Variants in BTG4 observed in about 807,000 individuals in gnomAD.
The protein encoded by BTG4 is BTG anti-proliferation factor 4.
BTG4 carries 10 observed loss-of-function variants against 19.3 expected under a neutral mutation model. The ratio of observed to expected loss-of-function variants is 0.52; its 90% CI spans 0.32 to 0.88. BTG4 has a LOEUF of 0.88. Among genes scored for constraint, BTG4 ranks in the 40% least tolerant of loss-of-function variants. The probability of loss-of-function intolerance (pLI) is 0.04; values close to 1 mark genes in which losing one functional copy is unlikely to be tolerated. For missense variants in BTG4, 238 were observed against 281.9 expected (o/e 0.84, Z 1.11); for synonymous variants, 91 against 95.7 (o/e 0.95, Z 0.29).
chr11:111,514,501 A>C, upstream of BTG4: 1 of 402,530 alleles, frequency 2.5e-6, no homozygotes, highest in Non-Finnish European at 4.6e-6. Context: ...CAGCCCACTG[A>C]GGATATAAGA....
At chr11:111,437,897 C>T in the BTG4 span, among the ~76,000 whole-genome samples, 1 of 152,110 alleles carries the variant, frequency 6.6e-6, no homozygotes, top group Admixed American at 6.5e-5. Flanking sequence ...GTCTAATAGC[C>T]CAAGGACCAA....
chr11:111,463,651 C>T (rs1303222139), downstream of BTG4, among the ~76,000 whole-genome samples: 1 of 152,170 alleles, frequency 6.6e-6, no homozygotes, highest in African/African-American at 2.4e-5. Flanking sequence ...TTATTGATTG[C>T]CATGTAAGAA....
At chr11:111,399,804 C>T in the BTG4 span, among the ~76,000 whole-genome samples, 2 of 152,166 alleles carry the variant, frequency 1.3e-5, no homozygotes, top group Non-Finnish European at 2.9e-5. Context: ...GTGGGACTTG[C>T]AGACCACAGC....
chr11:111,476,131 T>C (rs1306475850), intron 5 of BTG4, among the ~76,000 whole-genome samples: 1 of 38,466 alleles, frequency 2.6e-5, no homozygotes, highest in Non-Finnish European at 5.3e-5. Flanking sequence ...AGTACCAGAA[T>C]AGATACACAC....
the BTG4 span, among the ~76,000 whole-genome samples, chr11:111,425,378 T>A: frequency 6.6e-6 from 1 of 151,968 alleles, no homozygotes; most frequent in African/African-American, 2.4e-5. Flanking sequence ...CTCATGGAGC[T>A]CATAGTCCCT....
the BTG4 span, among the ~76,000 whole-genome samples, chr11:111,414,014 T>C: frequency 6.6e-6 from 1 of 152,196 alleles, no homozygotes; most frequent in Non-Finnish European, 1.5e-5. Context: ...CTTCTGACTG[T>C]TCCGTTCATT....
the BTG4 span, among the ~76,000 whole-genome samples, chr11:111,429,841 A>G: frequency 6.6e-6 from 1 of 152,196 alleles, no homozygotes; most frequent in African/African-American, 2.4e-5. Context: ...GCTTTCTCAT[A>G]TCTTCCAAGG....
At chr11:111,445,814 G>A in the BTG4 span, among the ~76,000 whole-genome samples, 1 of 152,130 alleles carries the variant, frequency 6.6e-6, no homozygotes, top group African/African-American at 2.4e-5. Flanking sequence ...CTCTGGGTCT[G>A]AGTTTCTTCA....
the BTG4 span, among the ~76,000 whole-genome samples, chr11:111,426,327 G>A: frequency 2.0e-5 from 3 of 152,118 alleles, no homozygotes; most frequent in Admixed American, 2.0e-4. Context: ...TCTACACATT[G>A]TATAGATCCT....
downstream of BTG4, among the ~76,000 whole-genome samples, chr11:111,493,528 TC>T (rs1031911580): frequency 2.0e-5 from 3 of 152,188 alleles, no homozygotes; most frequent in Non-Finnish European, 2.9e-5. Flanking sequence ...TAGTCTTGTT[TC>T]TGCCCCATTA....
chr11:111,385,645 A>ACCAC, the BTG4 span: 2 of 152,128 alleles, frequency 1.3e-5, no homozygotes, highest in Non-Finnish European at 2.9e-5. Context: ...AAAACCTATC[A>ACCAC]ATATAATTCA....
chr11:111,482,517 T>A (rs1463009153), intron 5 of BTG4, among the ~76,000 whole-genome samples: 1 of 152,052 alleles, frequency 6.6e-6, no homozygotes, highest in Non-Finnish European at 1.5e-5. Context: ...TTAGAAAGAA[T>A]AAAGTGGGAA....
the BTG4 span, chr11:111,451,152 ACAG>A: frequency 3.9e-6 from 1 of 257,980 alleles, no homozygotes; most frequent in Non-Finnish European, 8.3e-6. Flanking sequence ...TCCAGAGACC[ACAG>A]CCCCATCATC....
the BTG4 span, among the ~76,000 whole-genome samples, chr11:111,456,136 CG>C: frequency 2.0e-5 from 3 of 152,176 alleles, no homozygotes; most frequent in Admixed American, 2.0e-4. This position sits in a 1 kb window ranked among gnomAD's most constrained non-coding sequence, Gnocchi z 4.2. Flanking sequence ...TTTATAGATC[CG>C]GAGGCACTTC....
chr11:111,502,477 A>G (rs1261271501), intron 1 of BTG4, among the ~76,000 whole-genome samples: 3 of 152,188 alleles, frequency 2.0e-5, no homozygotes, highest in Non-Finnish European at 4.4e-5. Context: ...AATTTGCATC[A>G]TTTATTCTCG....
chr11:111,503,326 C>T (rs1298527552), intron 1 of BTG4, among the ~76,000 whole-genome samples: 2 of 152,184 alleles, frequency 1.3e-5, no homozygotes, highest in Non-Finnish European at 2.9e-5. Context: ...CAATTAAATA[C>T]CCAAGTAGTA....
At chr11:111,478,577 T>C (rs959949805) in intron 5 of BTG4, among the ~76,000 whole-genome samples, 1 of 151,838 alleles carries the variant, frequency 6.6e-6, no homozygotes, top group East Asian at 1.9e-4. Flanking sequence ...TAAAGGAGCA[T>C]CAGAAAAGTG....
chr11:111,507,396 A>T (rs1261248739), intron 1 of BTG4, among the ~76,000 whole-genome samples: 1 of 151,762 alleles, frequency 6.6e-6, no homozygotes, highest in Non-Finnish European at 1.5e-5. Context: ...ATTGTTTTTC[A>T]TTTTTTATTT....
chr11:111,491,350 C>T (rs12578021), downstream of BTG4, among the ~76,000 whole-genome samples: 473 of 152,154 alleles, frequency 3.1e-3, 22 homozygotes, highest in East Asian at 0.076. Context: ...TAAAGTTTTG[C>T]AAAATGTTAC....
Sources: gnomAD v4.1 joint callset for allele counts (sites outside exome capture counted in the v4.1 genomes callset) on GRCh38, gnomAD v4.1.1 for gene constraint, Gnocchi (gnomAD v3.1) non-coding constraint, MANE v1.5 for transcripts, NCBI Gene and HGNC (gene_info 2026-07-23, HGNC 2026-07-21) for gene names.